SLCO3A1: variants seen among roughly 807,000 people sequenced by gnomAD.
The protein encoded by SLCO3A1 is PGE1 transporter.
In SLCO3A1, 27 loss-of-function variants were observed where a neutral mutation model predicts 63.1. That is an observed-to-expected ratio of 0.43 (90% confidence interval 0.32 to 0.59). SLCO3A1 has a LOEUF of 0.59. SLCO3A1 is among the 20% of genes least tolerant of loss of function. The probability of loss-of-function intolerance (pLI) is 0.09; values close to 1 mark genes in which losing one functional copy is unlikely to be tolerated. For synonymous variants in SLCO3A1, 473 were observed against 409.9 expected (o/e 1.15, Z -1.86); for missense variants, 773 against 945.8 (o/e 0.82, Z 2.40).
At chr15:92,158,663 T>C (rs933293854) in intron 9 of SLCO3A1, among the ~76,000 whole-genome samples, 7 of 152,252 alleles carry the variant, frequency 4.6e-5, no homozygotes, top group Admixed American at 1.3e-4. Flanking sequence ...GACGAACATA[T>C]AAGGATGTGG....
In SLCO3A1 at chr15:91,872,811, A is replaced by G. The variant is rs1315525952; in HGVS notation, c.180+18723A>G. On this transcript the variant is annotated intron_variant, in intron 1 of 9. Transcript: ENST00000318445. This position sits in a 1 kb window ranked among gnomAD's most constrained non-coding sequence, Gnocchi z 4.1. ...CATTGAACATGACTTTACTGGGACCAGAGAATAACTTCACCAGGGCCAGAG... is the reference window on the plus strand; with the variant it reads ...CATTGAACATGACTTTACTGGGACCGGAGAATAACTTCACCAGGGCCAGAG... Among the ~76,000 whole-genome samples the G allele has an allele frequency of 1.3e-5, 2 of 152,264 alleles. No individual in the cohort carries two copies. The highest frequency in any genetic ancestry group is 2.9e-5 in the Non-Finnish European group (2 of 68,052).
chr15:91,879,291 T>G (rs1368140300), intron 1 of SLCO3A1, among the ~76,000 whole-genome samples: 1 of 134,502 alleles, frequency 7.4e-6, no homozygotes, highest in East Asian at 2.4e-4. Flanking sequence ...TATCTGTCAC[T>G]TATTTTTTCT....
rs1026892450 is a variant in SLCO3A1 at position 91,883,693 on chromosome 15, G to A, written c.180+29605G>A. Among the ~76,000 whole-genome samples the A allele has an allele frequency of 1.1e-4, 16 of 152,194 alleles. No individual in the cohort carries two copies. Among genetic ancestry groups the A allele is most frequent in the African/African-American group, 3.4e-4 (14 of 41,448 alleles). On this transcript the variant is annotated intron_variant, in intron 1 of 9. Coordinates refer to ENST00000318445, the MANE Select transcript of SLCO3A1 (RefSeq NM_013272.4). The surrounding 1 kb of genome is among the most constrained non-coding windows in gnomAD (Gnocchi z 4.8). Reference sequence around the variant, plus strand: ...TCATACGCTCATAATTAGTTCATGTGTTTTGCTGGGTTGTGCATAGAAATT... The same window carrying A: ...TCATACGCTCATAATTAGTTCATGTATTTTGCTGGGTTGTGCATAGAAATT...
At position 92,163,738 on chromosome 15, in the gene SLCO3A1, A is replaced by G; in HGVS notation, c.*603A>G. On this transcript the variant is annotated 3_prime_UTR_variant, in exon 10 of 10. Transcript: ENST00000318445. ...TGTGTAGACGACTCACCCAGTCTGC[A>G]TGTGGTTCAAGGCCCCAGAGTTCTC... is the stretch of plus-strand genomic sequence containing the variant. 1 of 985,294 alleles carries G rather than the reference A, an allele frequency of 1.0e-6. No homozygotes were observed. Among genetic ancestry groups the G allele is most frequent in the Non-Finnish European group, 1.2e-6 (1 of 829,928 alleles). The allele number at this position is 985,294 out of a possible 1,614,324, so 61.0% of individuals were successfully genotyped here.
intron 1 of SLCO3A1, among the ~76,000 whole-genome samples, chr15:91,855,323 G>GCAA (rs1896889340): frequency 6.6e-6 from 1 of 152,192 alleles, no homozygotes; most frequent in Non-Finnish European, 1.5e-5. Flanking sequence ...GGAAATACAA[G>GCAA]CAGTGCTTGG....
intron 1 of SLCO3A1, among the ~76,000 whole-genome samples, chr15:91,910,770 C>A (rs1898460189): frequency 1.3e-5 from 2 of 152,216 alleles, no homozygotes; most frequent in African/African-American, 4.8e-5. Flanking sequence ...ACGCCTCTAC[C>A]TGCATGCATG....
At position 91,853,797 on chromosome 15, in the gene SLCO3A1, G is replaced by T; in HGVS notation, c.-112G>T. ...CGGGGGCGGCCGCCGCGAACCCGGGGCGGGGACAGCACGCAGCCTCGAGGC... is the reference window on the plus strand; with the variant it reads ...CGGGGGCGGCCGCCGCGAACCCGGGTCGGGGACAGCACGCAGCCTCGAGGC... On this transcript the variant is annotated 5_prime_UTR_variant, in exon 1 of 10. Coordinates refer to ENST00000318445, the MANE Select transcript of SLCO3A1 (RefSeq NM_013272.4). 1.5e-5 allele frequency: 15 copies of T among 1,030,972 alleles called. No individual in the cohort carries two copies. The highest frequency in any genetic ancestry group is 1.7e-5 in the African/African-American group (1 of 58,338). 63.9% of individuals were successfully genotyped at this position (1,030,972 alleles called of 1,614,324 possible).
At chr15:92,115,997 G>A (rs1167454727) in intron 4 of SLCO3A1, among the ~76,000 whole-genome samples, 1 of 152,038 alleles carries the variant, frequency 6.6e-6, no homozygotes, top group African/African-American at 2.4e-5. Flanking sequence ...CAAACCAAGA[G>A]CAGCTCAGAA....
At chr15:92,056,122 C>A (rs12911260) in intron 2 of SLCO3A1, among the ~76,000 whole-genome samples, 1 of 151,832 alleles carries the variant, frequency 6.6e-6, no homozygotes, top group Non-Finnish European at 1.5e-5. Context: ...CTAGTAACAC[C>A]TGGGGCTTGC....
Position 91,885,175 on chromosome 15 carries a change from G to A in SLCO3A1, c.181-30818G>A, listed in dbSNP as rs1379082079. Among the ~76,000 whole-genome samples, 5 of 152,186 alleles carry A rather than the reference G, an allele frequency of 3.3e-5. No homozygotes were observed. Among genetic ancestry groups the A allele is most frequent in the Admixed American group, 3.3e-4 (5 of 15,280 alleles). On this transcript the variant is annotated intron_variant, in intron 1 of 9. Transcript: ENST00000318445. This position sits in a 1 kb window ranked among gnomAD's most constrained non-coding sequence, Gnocchi z 4.7. ...GGAAGGAGGGTGCAGAAGGAGCAGG[G>A]GGCTTGTCTCCCTCTTTGCTCCCTT... is the stretch of plus-strand genomic sequence containing the variant.
At chr15:92,010,132 A>G (rs923601388) in intron 2 of SLCO3A1, among the ~76,000 whole-genome samples, 4 of 152,204 alleles carry the variant, frequency 2.6e-5, no homozygotes, top group African/African-American at 9.7e-5. Flanking sequence ...ACTTTTCATT[A>G]TATCTGCAAC....
intron 3 of SLCO3A1, among the ~76,000 whole-genome samples, chr15:92,101,337 C>T (rs1411636276): frequency 6.6e-6 from 1 of 151,986 alleles, no homozygotes; most frequent in African/African-American, 2.4e-5. Flanking sequence ...GGTGAAACCC[C>T]ATCTCTACCA....
At chr15:91,949,777 G>C (rs192448489) in intron 2 of SLCO3A1, among the ~76,000 whole-genome samples, 1 of 151,992 alleles carries the variant, frequency 6.6e-6, no homozygotes, top group East Asian at 1.9e-4. Context: ...CAGGAGGATC[G>C]CTTGAGGCCT....
chr15:91,896,387 G>A (rs1180371978), intron 1 of SLCO3A1, among the ~76,000 whole-genome samples: 1 of 152,168 alleles, frequency 6.6e-6, no homozygotes, highest in Non-Finnish European at 1.5e-5. Context: ...CTCTGAGGTA[G>A]GACTCCAGGT....
chr15:92,109,770 C>A (rs941080890), intron 4 of SLCO3A1, among the ~76,000 whole-genome samples: 2 of 151,984 alleles, frequency 1.3e-5, no homozygotes, highest in African/African-American at 4.8e-5. Context: ...GGAGCTCTGG[C>A]GTCGACCTCC....
chr15:91,936,105 G>A (rs1899404364), intron 2 of SLCO3A1, among the ~76,000 whole-genome samples: 1 of 152,118 alleles, frequency 6.6e-6, no homozygotes, highest in Non-Finnish European at 1.5e-5. Flanking sequence ...CTTCCTCCCA[G>A]ATACAACGGG....
intron 2 of SLCO3A1, among the ~76,000 whole-genome samples, chr15:91,934,702 G>C (rs1275956962): frequency 6.6e-6 from 1 of 152,188 alleles, no homozygotes; most frequent in Non-Finnish European, 1.5e-5. Context: ...ATTAGCTAGA[G>C]AGATTAGGTT....
chr15:91,940,726 A>G (rs771241232), intron 2 of SLCO3A1, among the ~76,000 whole-genome samples: 4 of 152,162 alleles, frequency 2.6e-5, no homozygotes, highest in Non-Finnish European at 4.4e-5. Context: ...ATCAGGGTTC[A>G]GGGGCATCCT....
chr15:91,938,473 G>GTTTTTTTTTTTTTTTTTTTTTTTTTT (rs1035027089), intron 2 of SLCO3A1, among the ~76,000 whole-genome samples: 1 of 126,744 alleles, frequency 7.9e-6, no homozygotes, highest in African/African-American at 3.4e-5. Flanking sequence ...CTAAACATTG[G>GTTTTTTTTTTTTTTTTTTTTTTTTTT]TTTTTTTTGT....
Sources: allele counts gnomAD v4.1 joint callset (sites outside exome capture counted in the v4.1 genomes callset), GRCh38; gene constraint gnomAD v4.1.1; non-coding constraint Gnocchi (gnomAD v3.1); transcripts MANE v1.5; gene names NCBI Gene and HGNC (gene_info 2026-07-23, HGNC 2026-07-21).